The following ADCY10 variants were observed in gnomAD, a reference collection of about 807,000 sequenced individuals.
ADCY10 encodes adenylate cyclase type 10.
A neutral mutation model predicts 183.3 loss-of-function variants in ADCY10; 156 were observed. The observed-to-expected ratio is 0.85, with a 90% CI of 0.75 to 0.97. The LOEUF is 0.97. Ranked by LOEUF, ADCY10 falls within the 50% of genes least tolerant of loss-of-function variation. The probability of loss-of-function intolerance (pLI) is 0.00; values close to 1 mark genes in which losing one functional copy is unlikely to be tolerated. For synonymous variants in ADCY10, 645 were observed against 670.0 expected (o/e 0.96, Z 0.58); for missense variants, 1,745 against 1,934.3 (o/e 0.90, Z 1.84).
chr1:167,854,247 T>C (rs1665717291), intron 18 of ADCY10, 106 bp downstream of exon 18: 1 of 1,394,906 alleles, frequency 7.2e-7, no homozygotes, highest in South Asian at 1.2e-5. Flanking sequence ...ACCTTCTGAC[T>C]CTACAGGAAG....
At chr1:167,874,331 A>AAAAT (rs201527832) in intron 13 of ADCY10, among the ~76,000 whole-genome samples, 32 of 152,228 alleles carry the variant, frequency 2.1e-4, no homozygotes, top group South Asian at 6.2e-4. Context: ...ACTCTGTCTC[A>AAAAT]AAATAAATAA....
chr1:167,826,882 T>A (rs1663330413), intron 26 of ADCY10, among the ~76,000 whole-genome samples: 1 of 152,210 alleles, frequency 6.6e-6, no homozygotes, highest in Non-Finnish European at 1.5e-5. Flanking sequence ...ACTTCTGTGT[T>A]TGAGGAACCA....
intron 18 of ADCY10, among the ~76,000 whole-genome samples, chr1:167,849,435 G>A (rs1166508664): frequency 1.3e-5 from 2 of 152,188 alleles, no homozygotes; most frequent in Non-Finnish European, 2.9e-5. Flanking sequence ...ATAAAACCAA[G>A]TTCCTTATTT....
chr1:167,843,864 C>G (rs932770018), intron 21 of ADCY10, among the ~76,000 whole-genome samples: 1 of 152,226 alleles, frequency 6.6e-6, no homozygotes, highest in Non-Finnish European at 1.5e-5. Context: ...GGAGGGCACA[C>G]AGCACCTCAT....
intron 21 of ADCY10, among the ~76,000 whole-genome samples, chr1:167,841,178 G>A (rs1664609261): frequency 6.6e-6 from 1 of 152,072 alleles, no homozygotes; most frequent in Non-Finnish European, 1.5e-5. Context: ...TTGAGCTCAA[G>A]CAATCCACCT....
chr1:167,827,334 A>ATTTTTTT (rs35177857), intron 26 of ADCY10, among the ~76,000 whole-genome samples: 1 of 132,888 alleles, frequency 7.5e-6, no homozygotes, highest in Admixed American at 7.6e-5. Context: ...CGCCCGGCTA[A>ATTTTTTT]TTTTTTTTTT....
In ADCY10 at chr1:167,884,276, T is replaced by C. The variant is rs571955943; in HGVS notation, c.829-648A>G. ...CATGGCTGGGGAGGACTCAAACTTATAATATGGCAGAAGACGAAGGAGAAG... is the reference window on the plus strand; with the variant it reads ...CATGGCTGGGGAGGACTCAAACTTACAATATGGCAGAAGACGAAGGAGAAG... On this transcript the variant is annotated intron_variant, in intron 8 of 32. Transcript: ENST00000367851. Among the ~76,000 whole-genome samples the C allele has an allele frequency of 4.6e-3, 703 of 152,212 alleles. 3 individuals carry two copies. Among genetic ancestry groups the C allele is most frequent in the Admixed American group, 5.4e-3 (83 of 15,294 alleles).
chr1:167,903,146 C>T (rs1471652745), intron 3 of ADCY10, among the ~76,000 whole-genome samples: 1 of 151,878 alleles, frequency 6.6e-6, no homozygotes, highest in Non-Finnish European at 1.5e-5. Context: ...ACCCCAGCTA[C>T]GTGTGTGGCT....
chr1:167,859,840 T>C lies in ADCY10; in HGVS notation c.1863A>G (p.Gln621=). 1.9e-6 allele frequency: 3 copies of C among 1,613,686 alleles called. No homozygotes were observed. Among genetic ancestry groups the C allele is most frequent in the Non-Finnish European group, 2.5e-6 (3 of 1,179,632 alleles). Residue 621 remains glutamine, a synonymous_variant, in exon 16 of 33, where the codon CAA becomes CAG. Transcript: ENST00000367851. ...SRMSTLKKQK[Q]LEILFMKILK... ...AGATCTTCATAAACAATATTTCCAA[T>C]TGTTTTTGCTTTTTCAAGGTGCTCA...
rs1424133669 is a variant in ADCY10 at position 167,903,210 on chromosome 1, C to T, written c.253+677G>A. 2.0e-5 allele frequency among the ~76,000 whole-genome samples: 3 copies of T among 151,802 alleles called. 1 individual carries two copies. Among genetic ancestry groups the T allele is most frequent in the Non-Finnish European group, 2.9e-5 (2 of 67,958 alleles). ...GGCAGAGGCTGCAGTGAGCTGAGATCGTGCCACTGCACTCCAGCCTGGGAG... is the reference window on the plus strand; with the variant it reads ...GGCAGAGGCTGCAGTGAGCTGAGATTGTGCCACTGCACTCCAGCCTGGGAG... On this transcript the variant is annotated intron_variant, in intron 3 of 32. Transcript: ENST00000367851.
At chr1:167,905,246 A>G in intron 1 of ADCY10, 48 bp from the exon 2 acceptor site, 3 of 1,305,020 alleles carry the variant, frequency 2.3e-6, no homozygotes, top group Non-Finnish European at 3.3e-6. Context: ...TCATTTGCTC[A>G]TTTTCCTATT....
At chr1:167,896,814 CAAGACTATTTGATTTGTAAAATTGA>C in intron 6 of ADCY10, 123 bp from the exon 7 acceptor site, 1 of 702,486 alleles carries the variant, frequency 1.4e-6, no homozygotes, top group African/African-American at 1.8e-5. Context: ...ACTTAAACAC[CAAGACTATTTGATTTGTAAAATTGA>C]AATTTTAAAT....
intron 13 of ADCY10, among the ~76,000 whole-genome samples, chr1:167,872,188 A>G (rs750287733): frequency 1.3e-5 from 2 of 152,062 alleles, no homozygotes; most frequent in Non-Finnish European, 2.9e-5. Context: ...AAAATACAAA[A>G]TTAGCCGGGC....
In ADCY10 at chr1:167,870,257, C is replaced by G. The variant is rs773816488; in HGVS notation, c.1616G>C (p.Arg539Thr). The change falls in exon 14 of 33, where the codon AGG becomes ACG. Residue 539 changes from arginine to threonine, a missense_variant and splice_region_variant. Coordinates refer to ENST00000367851, the MANE Select transcript of ADCY10 (RefSeq NM_018417.6). The part of the protein sequence containing the change: ...IEYLAQGKNH[R>T]IIAISLNKIS... ...AGAACAATCATTCCAAGACACTCAC[C>G]TGTGATTCTTACCTTGGGCCAGGTA... 1 of 1,614,024 alleles carries G rather than the reference C, an allele frequency of 6.2e-7. No individual in the cohort carries two copies. The highest frequency in any genetic ancestry group is 8.5e-7 in the Non-Finnish European group (1 of 1,179,990).
chr1:167,824,503 A>C lies in ADCY10; in HGVS notation c.4025T>G (p.Leu1342Arg), dbSNP rs1431610122. Residue 1342 changes from leucine to arginine, a missense_variant, in exon 28 of 33, where the codon CTT becomes CGT. Leu to Arg is a moderately radical substitution (Grantham distance 102). Coordinates refer to ENST00000367851, the MANE Select transcript of ADCY10 (RefSeq NM_018417.6). ...PNRHYQSLCR[L>R]SRCLLLNSRY... ...GCTGTTCAGAAGGAGACATCTGCTA[A>C]GTCTGCAGAGGGACTGATAATGTCG... The C allele has an allele frequency of 1.2e-6, 2 of 1,614,200 alleles. No homozygotes were observed. Among genetic ancestry groups the C allele is most frequent in the African/African-American group, 2.7e-5 (2 of 75,054 alleles).
chr1:167,828,354 T>C (rs1004127), intron 26 of ADCY10, among the ~76,000 whole-genome samples: 4,876 of 152,296 alleles, frequency 0.032, 150 homozygotes, highest in East Asian at 0.15. Flanking sequence ...CTTTGATGTG[T>C]ACTTTCCATA....
At chr1:167,898,807 G>C (rs73024106) in intron 6 of ADCY10, among the ~76,000 whole-genome samples, 1 of 152,052 alleles carries the variant, frequency 6.6e-6, no homozygotes, top group South Asian at 2.1e-4. Flanking sequence ...TTTCTGCCGC[G>C]TAGTCCCATT....
intron 29 of ADCY10, among the ~76,000 whole-genome samples, chr1:167,822,732 C>T (rs776644058): frequency 6.6e-6 from 1 of 152,194 alleles, no homozygotes; most frequent in Non-Finnish European, 1.5e-5. Context: ...CAGTCAGCCA[C>T]TATCACTTAG....
chr1:167,861,273 T>C (rs1666263115), intron 14 of ADCY10, among the ~76,000 whole-genome samples: 1 of 152,264 alleles, frequency 6.6e-6, no homozygotes, highest in East Asian at 1.9e-4. Flanking sequence ...TAGCTAATTC[T>C]CTCCTTTCTA....
Sources: allele counts gnomAD v4.1 joint callset (sites outside exome capture counted in the v4.1 genomes callset), GRCh38; gene constraint gnomAD v4.1.1; transcripts MANE v1.5; gene names NCBI Gene and HGNC (gene_info 2026-07-23, HGNC 2026-07-21).